EGFR: variants seen among roughly 807,000 people sequenced by gnomAD.
The protein encoded by EGFR is avian erythroblastic leukemia viral (v-erb-b) oncogene homolog.
A neutral mutation model predicts 143.0 loss-of-function variants in EGFR; 58 were observed. The ratio of observed to expected loss-of-function variants is 0.41; its 90% CI spans 0.33 to 0.50. The LOEUF (loss-of-function observed/expected upper bound fraction) is 0.50, where lower values mean the gene tolerates loss of function less well. Ranked by LOEUF, EGFR falls within the 20% of genes least tolerant of loss-of-function variation. The pLI, the probability that EGFR is intolerant of heterozygous loss-of-function variation, is 0.39. For synonymous variants in EGFR, 613 were observed against 594.4 expected, an observed-to-expected ratio of 1.03 and a Z score of -0.45; for missense variants, 1,307 against 1,579.0, an observed-to-expected ratio of 0.83 and a Z score of 2.92.
At chr7:55,110,550 T>C (rs527301433) in intron 1 of EGFR, among the ~76,000 whole-genome samples, 103 of 152,324 alleles carry the variant, frequency 6.8e-4, no homozygotes, top group South Asian at 3.5e-3. Context: ...TTAAATGTCT[T>C]ACGATCATTA....
chr7:55,176,600 T>TC (rs1427321979), intron 19 of EGFR, among the ~76,000 whole-genome samples: 43 of 151,840 alleles, frequency 2.8e-4, no homozygotes. Context: ...ATGCCTGTAG[T>TC]CCCAGCCACT....
intron 3 of EGFR, among the ~76,000 whole-genome samples, chr7:55,144,533 G>A (rs1433834821): frequency 2.0e-5 from 3 of 152,148 alleles, no homozygotes; most frequent in Non-Finnish European, 2.9e-5. Context: ...AGTCATATCC[G>A]GAGTGACAGG....
intron 1 of EGFR, among the ~76,000 whole-genome samples, chr7:55,083,621 T>C (rs1015616258): frequency 6.6e-6 from 1 of 152,246 alleles, no homozygotes; most frequent in African/African-American, 2.4e-5. Flanking sequence ...ATCATGGTTT[T>C]AAATTATTTT....
At chr7:55,141,873 T>A (rs777271357) in intron 1 of EGFR, among the ~76,000 whole-genome samples, 2 of 152,238 alleles carry the variant, frequency 1.3e-5, no homozygotes, top group African/African-American at 2.4e-5. Flanking sequence ...AATTTATTTT[T>A]TGCCTACTGG....
chr7:55,158,587 A>G (rs1785540593), intron 11 of EGFR, among the ~76,000 whole-genome samples: 4 of 152,206 alleles, frequency 2.6e-5, no homozygotes, highest in Admixed American at 2.0e-4. Context: ...TTCTTATAAA[A>G]ATAAGAGATT....
chr7:55,048,939 G>A (rs989783816), intron 1 of EGFR, among the ~76,000 whole-genome samples: 4 of 152,150 alleles, frequency 2.6e-5, no homozygotes, highest in African/African-American at 4.8e-5. Flanking sequence ...TCAGTTCTCA[G>A]CATGAAAATA....
In EGFR at chr7:55,174,815, C is replaced by T. The variant is rs2128954901; in HGVS notation, c.2278C>T (p.Leu760Phe). The T allele has an allele frequency of 1.9e-6, 3 of 1,613,692 alleles. No individual in the cohort carries two copies. The highest frequency in any genetic ancestry group is 2.7e-5 in the African/African-American group (2 of 75,054). The change falls in exon 19 of 28, where the codon CTC becomes TTC. Residue 760 changes from leucine to phenylalanine, a missense_variant. Around this residue, in one of 7 missense-constraint regions of EGFR, gnomAD observed 348 missense variants for 451.5 expected, o/e 0.77. Transcript: ENST00000275493. ...ATCTCCGAAAGCCAACAAGGAAATC[C>T]TCGATGTGAGTTTCTGCTTTGCTGT... ...ATSPKANKEI[L>F]DEAYVMASVD...
chr7:55,156,518 C>G lies in EGFR; in HGVS notation c.1007-15C>G, dbSNP rs2128938105. ...ACAAATGTGAACGGAATACACGTCT[C>G]TCTTATCTCTGCAGTGTGTAACGGA... On this transcript the variant is annotated splice_polypyrimidine_tract_variant and intron_variant, in intron 8 of 27. Transcript: ENST00000275493. The G allele has an allele frequency of 2.5e-6, 4 of 1,614,132 alleles. No individual in the cohort carries two copies. Among genetic ancestry groups the G allele is most frequent in the South Asian group, 1.1e-5 (1 of 91,046 alleles).
At chr7:55,094,299 A>G (rs949477915) in intron 1 of EGFR, among the ~76,000 whole-genome samples, 1 of 152,218 alleles carries the variant, frequency 6.6e-6, no homozygotes, top group Admixed American at 6.5e-5. Context: ...TGCCTGGTGC[A>G]AGAGCCAAGT....
intron 10 of EGFR, 89 bp downstream of exon 10, chr7:55,156,921 A>G: frequency 6.3e-7 from 1 of 1,591,604 alleles, no homozygotes; most frequent in Non-Finnish European, 8.6e-7. Flanking sequence ...CCCTTGGAAT[A>G]AAAACATTTC....
At chr7:55,178,351 G>A (rs1380428558) in intron 19 of EGFR, among the ~76,000 whole-genome samples, 1 of 152,204 alleles carries the variant, frequency 6.6e-6, no homozygotes, top group Admixed American at 6.5e-5. Flanking sequence ...GTAGGCAATG[G>A]AAGGGAACGC....
chr7:55,169,172 C>T (rs1437686706), intron 15 of EGFR, among the ~76,000 whole-genome samples: 1 of 151,650 alleles, frequency 6.6e-6, no homozygotes. Flanking sequence ...GTGATCTTGG[C>T]TCACTGCAAC....
At chr7:55,099,586 A>G (rs2128900207) in intron 1 of EGFR, among the ~76,000 whole-genome samples, 1 of 152,328 alleles carries the variant, frequency 6.6e-6, no homozygotes, top group Admixed American at 6.5e-5. Flanking sequence ...GGTGCAGAAG[A>G]GACACCGAGG....
intron 1 of EGFR, among the ~76,000 whole-genome samples, chr7:55,019,596 G>C (rs1039794809): frequency 6.6e-6 from 1 of 152,090 alleles, no homozygotes; most frequent in East Asian, 1.9e-4. Context: ...GTGGGACACC[G>C]GGCTGCAGGC....
intron 1 of EGFR, among the ~76,000 whole-genome samples, chr7:55,066,386 C>T (rs1252076129): frequency 3.3e-5 from 5 of 152,164 alleles, no homozygotes; most frequent in East Asian, 3.9e-4. Context: ...AAATGTTCCC[C>T]GGGAGCTGGT....
At position 55,125,849 on chromosome 7, in the gene EGFR, C is replaced by T. The variant is rs116775314; in HGVS notation, c.89-16437C>T. 7.9e-3 allele frequency among the ~76,000 whole-genome samples: 1,209 copies of T among 152,354 alleles called. 19 individuals carry two copies. The highest frequency in any genetic ancestry group is 0.027 in the African/African-American group (1,139 of 41,574). ...CAGAGGCATTCTTAAAAACACACATCTGCACATGTTCCTCTTCATTTGAAT... is the reference window on the plus strand; with the variant it reads ...CAGAGGCATTCTTAAAAACACACATTTGCACATGTTCCTCTTCATTTGAAT... On this transcript the variant is annotated intron_variant, in intron 1 of 27. Coordinates refer to ENST00000275493, the MANE Select transcript of EGFR (RefSeq NM_005228.5).
chr7:55,147,314 G>C (rs1332982662), intron 4 of EGFR, among the ~76,000 whole-genome samples: 1 of 152,214 alleles, frequency 6.6e-6, no homozygotes. Context: ...GCAGGTCAGC[G>C]TGGCGCCCTG....
At chr7:55,054,007 C>T (rs1294373687) in intron 1 of EGFR, among the ~76,000 whole-genome samples, 2 of 150,498 alleles carry the variant, frequency 1.3e-5, no homozygotes, top group Non-Finnish European at 3.0e-5. Flanking sequence ...GTCCCTCCCT[C>T]CCTCCCTCTC....
At position 55,210,142 on chromosome 7, in the gene EGFR, C is replaced by G. The variant is rs912153472; in HGVS notation, c.*4525C>G. 1.3e-5 allele frequency: 2 copies of G among 152,214 alleles called. No individual in the cohort carries two copies. The highest frequency in any genetic ancestry group is 2.9e-5 in the Non-Finnish European group (2 of 68,050). The allele number at this position is 152,214 out of a possible 1,614,324, so 9.4% of individuals were successfully genotyped here. A position where few individuals can be genotyped will look rare whatever the true frequency, so the allele number is the denominator to read the frequency against. On this transcript the variant is annotated 3_prime_UTR_variant, in exon 28 of 28. Coordinates refer to ENST00000275493, the MANE Select transcript of EGFR (RefSeq NM_005228.5). ...GAAAAATCCAGTTGCATGCCATACT[C>G]TCATCATCTGCCAGTGTAACCCTGT... is the stretch of plus-strand genomic sequence containing the variant.
Sources: allele counts gnomAD v4.1 joint callset (sites outside exome capture counted in the v4.1 genomes callset), GRCh38; gene constraint gnomAD v4.1.1; regional missense constraint gnomAD v4.1.1; transcripts MANE v1.5; gene names NCBI Gene and HGNC (gene_info 2026-07-23, HGNC 2026-07-21).